RYR3: variants seen among roughly 807,000 people sequenced by gnomAD.
RYR3 encodes the protein brain ryanodine receptor-calcium release channel.
RYR3 carries 207 observed loss-of-function variants against 584.3 expected under a neutral mutation model. The ratio of observed to expected loss-of-function variants is 0.35; its 90% CI spans 0.32 to 0.40. RYR3 has a LOEUF of 0.40. Ranked by LOEUF, RYR3 falls within the 10% of genes least tolerant of loss-of-function variation. The pLI is 1.00. For synonymous variants in RYR3, 2,416 were observed against 2,248.5 expected (o/e 1.07, Z -2.11); for missense variants, 5,616 against 6,089.2 (o/e 0.92, Z 2.59).
intron 68 of RYR3, among the ~76,000 whole-genome samples, chr15:33,801,287 A>C (rs1203851918): frequency 6.6e-6 from 1 of 152,202 alleles, no homozygotes; most frequent in East Asian, 1.9e-4. Flanking sequence ...GGATTGTCAG[A>C]CCAACATTCT....
At chr15:33,586,949 G>A (rs1479505342) in intron 16 of RYR3, among the ~76,000 whole-genome samples, 1 of 152,050 alleles carries the variant, frequency 6.6e-6, no homozygotes, top group African/African-American at 2.4e-5. Flanking sequence ...GGGACATGTG[G>A]GACTGCAGCT....
chr15:33,421,796 C>T lies in RYR3; in HGVS notation c.52-51623C>T, dbSNP rs148039713. 4.6e-5 allele frequency among the ~76,000 whole-genome samples: 7 copies of T among 152,212 alleles called. No homozygotes were observed. In the East Asian group the frequency reaches 1.4e-3, roughly 29 times the overall value. ...GAAAATCCCCTATTTATATCAGTTC[C>T]ATCTGTTAGGTAGAACTTCAGAGTA... is the stretch of plus-strand genomic sequence containing the variant. On this transcript the variant is annotated intron_variant, in intron 1 of 103. Transcript: ENST00000634891.
chr15:33,855,349 ACAT>A, intron 98 of RYR3, among the ~76,000 whole-genome samples: 1 of 152,172 alleles, frequency 6.6e-6, no homozygotes, highest in Non-Finnish European at 1.5e-5. Context: ...GATTACAGGC[ACAT>A]GCCACCATGC....
chr15:33,478,003 T>C lies in RYR3; in HGVS notation c.171+4465T>C, dbSNP rs78066004. Among the ~76,000 whole-genome samples, 109 of 151,850 alleles carry C rather than the reference T, an allele frequency of 7.2e-4. 1 individual carries two copies. The East Asian group carries it at 0.02, about 28-fold the overall frequency. On this transcript the variant is annotated intron_variant, in intron 2 of 103. Coordinates refer to ENST00000634891, the MANE Select transcript of RYR3 (RefSeq NM_001036.6). The stretch of plus-strand genomic sequence containing the variant: ...AATGTTTATTTACTTTCCTTTTTAC[T>C]CAATAGAAAATGTGTTCCTAGGCAC...
chr15:33,767,308 A>G (rs1444949071), intron 60 of RYR3, among the ~76,000 whole-genome samples: 3 of 134,660 alleles, frequency 2.2e-5, no homozygotes, highest in Non-Finnish European at 4.8e-5. Context: ...TGCATCAACT[A>G]CCCGTCTCTG....
intron 1 of RYR3, among the ~76,000 whole-genome samples, chr15:33,379,687 C>CTCTCTCTATATATATATA: frequency 3.2e-5 from 4 of 125,522 alleles, no homozygotes; most frequent in African/African-American, 1.4e-4. Flanking sequence ...CTCTCTCTCT[C>CTCTCTCTATATATATATA]TATATATATA....
At position 33,724,069 on chromosome 15, in the gene RYR3, A is replaced by G. The variant is rs1393621912; in HGVS notation, c.6805A>G (p.Thr2269Ala). The change falls in exon 45 of 104, where the codon ACG (threonine) becomes GCG (alanine). Residue 2269 changes from threonine to alanine, a missense_variant. Physicochemically the swap from Thr to Ala is moderately conservative, Grantham distance 58 (BLOSUM62 0). Coordinates refer to ENST00000634891, the MANE Select transcript of RYR3 (RefSeq NM_001036.6). ...PSQGYKREVS[T>A]GDDEEEEEIV... ...CCCCTCTGTTGGTTCTCTCAGCAGCACGGGGGACGATGAAGAGGAAGAAGA... is the reference window on the plus strand; with the variant it reads ...CCCCTCTGTTGGTTCTCTCAGCAGCGCGGGGGACGATGAAGAGGAAGAAGA... 6.3e-7 allele frequency: 1 copy of G among 1,595,126 alleles called. No individual in the cohort carries two copies. The highest frequency in any genetic ancestry group is 2.2e-5 in the East Asian group (1 of 44,766).
At chr15:33,794,322 T>TAACA in intron 67 of RYR3, among the ~76,000 whole-genome samples, 1 of 63,546 alleles carries the variant, frequency 1.6e-5, no homozygotes, top group East Asian at 1.0e-3. Context: ...TATATATATA[T>TAACA]TTTTATATAT....
Position 33,570,389 on chromosome 15 carries a change from CATAA to C in RYR3, c.1268+3594_1268+3597del, listed in dbSNP as rs138910720. ...GCACCTTTGTCAAAAGCCAAGTGAT[CATAA>C]ATATAAGAGTTCTTTCTGGACGCTT... On this transcript the variant is annotated intron_variant, in intron 12 of 103. Coordinates refer to ENST00000634891, the MANE Select transcript of RYR3 (RefSeq NM_001036.6). Among the ~76,000 whole-genome samples the C allele has an allele frequency of 2.2e-3, 328 of 152,212 alleles. 5 individuals carry two copies. In the East Asian group the frequency reaches 0.047, roughly 22 times the overall value.
At chr15:33,771,867 A>G (rs1163284233) in intron 62 of RYR3, 53 bp from the exon 63 acceptor site, 2 of 1,311,108 alleles carry the variant, frequency 1.5e-6, no homozygotes, top group Non-Finnish European at 2.2e-6. Flanking sequence ...CAAGAAGGGG[A>G]TTGGCCAAAA....
intron 89 of RYR3, 137 bp downstream of exon 89, chr15:33,839,095 G>C: frequency 9.3e-7 from 1 of 1,080,994 alleles, no homozygotes; most frequent in Non-Finnish European, 1.3e-6. Context: ...TGATTACGCT[G>C]ATCTTATAAT....
intron 2 of RYR3, among the ~76,000 whole-genome samples, chr15:33,498,396 C>A (rs963260589): frequency 6.6e-6 from 1 of 152,170 alleles, no homozygotes; most frequent in Non-Finnish European, 1.5e-5. Flanking sequence ...GGACTACTAT[C>A]ATTGTGGCTT....
intron 10 of RYR3, among the ~76,000 whole-genome samples, chr15:33,558,547 G>T (rs1191081110): frequency 1.3e-5 from 2 of 151,990 alleles, no homozygotes; most frequent in Non-Finnish European, 2.9e-5. Flanking sequence ...GAGTAGTGCC[G>T]CAATAAACAT....
At chr15:33,432,667 ATT>A (rs2045280544) in intron 1 of RYR3, among the ~76,000 whole-genome samples, 3 of 75,126 alleles carry the variant, frequency 4.0e-5, no homozygotes, top group South Asian at 4.2e-4. Context: ...CGCCTAGCTA[ATT>A]GTGTGTGTGT....
intron 18 of RYR3, among the ~76,000 whole-genome samples, chr15:33,609,518 G>C (rs1272077733): frequency 1.3e-5 from 2 of 152,200 alleles, no homozygotes; most frequent in Admixed American, 1.3e-4. Flanking sequence ...TATCTGGGCA[G>C]TGGCGTGCGC....
intron 40 of RYR3, among the ~76,000 whole-genome samples, chr15:33,698,256 A>G (rs1362996279): frequency 6.6e-6 from 1 of 152,194 alleles, no homozygotes; most frequent in African/African-American, 2.4e-5. Flanking sequence ...TACTTCCCGT[A>G]TTCGGCAGCC....
chr15:33,859,440 C>T (rs928380974), intron 99 of RYR3, 135 bp from the exon 100 acceptor site: 20 of 829,768 alleles, frequency 2.4e-5, no homozygotes, highest in Non-Finnish European at 3.9e-5. Flanking sequence ...AGCATGAATA[C>T]TGGCACCTCT....
chr15:33,853,766 T>C, intron 96 of RYR3, 84 bp downstream of exon 96: 3 of 1,515,836 alleles, frequency 2.0e-6, no homozygotes, highest in Non-Finnish European at 1.8e-6. Context: ...CACAACCGTG[T>C]CTTTGTTCTC....
Position 33,826,331 on chromosome 15 carries a change from T to C in RYR3, c.11164+62T>C, listed in dbSNP as rs2077378575. The C allele has an allele frequency of 5.9e-6, 9 of 1,527,338 alleles. No homozygotes were observed. The South Asian group carries it at 7.8e-5, about 13-fold the overall frequency. 94.6% of individuals were successfully genotyped at this position (1,527,338 alleles called of 1,614,324 possible). On this transcript the variant is annotated intron_variant, in intron 83 of 103. Coordinates refer to ENST00000634891, the MANE Select transcript of RYR3 (RefSeq NM_001036.6). ...GTGAATCCTAGGAGATCTCATTTAA[T>C]TGCCTCAGCACAGAAACATTTTAGG...
Sources: allele counts gnomAD v4.1 joint callset (sites outside exome capture counted in the v4.1 genomes callset), GRCh38; gene constraint gnomAD v4.1.1; transcripts MANE v1.5; gene names NCBI Gene and HGNC (gene_info 2026-07-23, HGNC 2026-07-21).